TWF2: variants seen among roughly 807,000 people sequenced by gnomAD.
TWF2 encodes twinfilin-2.
Under a neutral mutation model 45.1 loss-of-function variants are expected in TWF2, and 15 were observed. The ratio of observed to expected loss-of-function variants is 0.33; its 90% CI spans 0.22 to 0.51. The LOEUF (loss-of-function observed/expected upper bound fraction) is 0.51, where lower values mean the gene tolerates loss of function less well. Ranked by LOEUF, TWF2 falls within the 20% of genes least tolerant of loss-of-function variation. The probability of loss-of-function intolerance (pLI) is 0.97; values close to 1 mark genes in which losing one functional copy is unlikely to be tolerated. For synonymous variants in TWF2, 177 were observed against 195.8 expected, an observed-to-expected ratio of 0.90 and a Z score of 0.80; for missense variants, 423 against 469.1, an observed-to-expected ratio of 0.90 and a Z score of 0.91.
chr3:52,228,709 G>T lies in TWF2; in HGVS notation c.*325C>A. The T allele has an allele frequency of 3.0e-6, 1 of 330,870 alleles. No homozygotes were observed. Among genetic ancestry groups the T allele is most frequent in the South Asian group, 5.4e-5 (1 of 18,350 alleles). The allele number at this position is 330,870 out of a possible 1,614,324, so 20.5% of individuals were successfully genotyped here. On this transcript the variant is annotated 3_prime_UTR_variant, in exon 9 of 9. Coordinates refer to ENST00000305533, the MANE Select transcript of TWF2 (RefSeq NM_007284.4). Reference sequence around the variant, plus strand: ...AGCCCTGACTGACCCCACTTCTTGTGGCCAAAGGTTTCTGGGCTGTGCTGG... The same window carrying T: ...AGCCCTGACTGACCCCACTTCTTGTTGCCAAAGGTTTCTGGGCTGTGCTGG...
Position 52,229,763 on chromosome 3 carries a change from C to T in TWF2, c.780G>A (p.Pro260=), listed in dbSNP as rs1273253916. 3.7e-6 allele frequency: 6 copies of T among 1,612,870 alleles called. No individual in the cohort carries two copies. The highest frequency in any genetic ancestry group is 5.1e-6 in the Non-Finnish European group (6 of 1,179,914). The part of the protein sequence containing the change: ...LESVVFIYSM[P]GYKCSIKERM... Reference sequence around the variant, plus strand: ...GCTCCTTGATGCTGCACTTGTACCCCGGCATGGAGTAGATGAACACTGTTG... The same window carrying T: ...GCTCCTTGATGCTGCACTTGTACCCTGGCATGGAGTAGATGAACACTGTTG... The change falls in exon 8 of 9, where the codon CCG becomes CCA. Residue 260 remains proline (P), a synonymous_variant. Transcript: ENST00000305533.
intron 8 of TWF2, 120 bp from the exon 9 acceptor site, chr3:52,229,321 G>A: frequency 7.3e-7 from 1 of 1,374,058 alleles, no homozygotes; most frequent in Non-Finnish European, 9.7e-7. Flanking sequence ...GTCTCCTGAG[G>A]TCTCCCCTTG....
intron 2 of TWF2, 53 bp from the exon 3 acceptor site, chr3:52,232,175 G>A (rs11717081): frequency 0.022 from 32,808 of 1,464,040 alleles, 459 homozygotes; most frequent in Non-Finnish European, 0.026. Context: ...TGCGCCTCCC[G>A]CTGCAGACCT....
In TWF2 at chr3:52,228,898, G is replaced by A. The variant is rs949646386; in HGVS notation, c.*136C>T. 2.3e-4 allele frequency: 313 copies of A among 1,340,350 alleles called. 1 individual carries two copies. Among genetic ancestry groups the A allele is most frequent in the Admixed American group, 6.0e-4 (23 of 38,122 alleles). 83.0% of individuals were successfully genotyped at this position (1,340,350 alleles called of 1,614,324 possible). ...AATGCCAGCCCGGTGGCCCTCGGAC[G>A]CTGCAAGTGCGTTCAGCTGCCAGCC... On this transcript the variant is annotated 3_prime_UTR_variant, in exon 9 of 9. Transcript: ENST00000305533.
At chr3:52,231,288 G>A in intron 4 of TWF2, 57 bp from the exon 5 acceptor site, 1 of 1,597,040 alleles carries the variant, frequency 6.3e-7, no homozygotes, top group Non-Finnish European at 8.6e-7. Context: ...ATTGGCTAGA[G>A]GAGGCCCACG....
At chr3:52,235,637 C>T (rs919484617) in intron 1 of TWF2, among the ~76,000 whole-genome samples, 2 of 152,238 alleles carry the variant, frequency 1.3e-5, no homozygotes, top group African/African-American at 4.8e-5. Flanking sequence ...CAAACACCCT[C>T]ATACATGAAC....
chr3:52,235,530 C>T (rs951252494), intron 1 of TWF2, among the ~76,000 whole-genome samples: 1 of 151,884 alleles, frequency 6.6e-6, no homozygotes, highest in African/African-American at 2.4e-5. Context: ...GCAATGACCA[C>T]TATGCCCATT....
chr3:52,229,148 C>T lies in TWF2; in HGVS notation c.936G>A (p.Val312=), dbSNP rs765030754. ...GCTTGAAGGCGTGTTGCTTGGGGTGCACCTCGTCGTAGAGGAACTCTGCCG... is the reference window on the plus strand; with the variant it reads ...GCTTGAAGGCGTGTTGCTTGGGGTGTACCTCGTCGTAGAGGAACTCTGCCG... ...ELTAEFLYDE[V]HPKQHAFKQA... is the part of the protein sequence containing the mutation. Residue 312 remains valine (V), a synonymous_variant, in exon 9 of 9, where the codon GTG becomes GTA. Transcript: ENST00000305533. 14 of 1,613,390 alleles carry T rather than the reference C, an allele frequency of 8.7e-6. No homozygotes were observed. The highest frequency in any genetic ancestry group is 1.2e-5 in the Non-Finnish European group (14 of 1,180,010).
chr3:52,231,606 G>T, intron 3 of TWF2, 67 bp from the exon 4 acceptor site: 1 of 1,508,248 alleles, frequency 6.6e-7, no homozygotes, highest in Non-Finnish European at 9.0e-7. Context: ...ACAGACAGGT[G>T]CCTCTGGAGG....
chr3:52,230,826 AG>A (rs758622058), intron 6 of TWF2, 43 bp downstream of exon 6: 1 of 1,597,274 alleles, frequency 6.3e-7, no homozygotes, highest in Non-Finnish European at 8.5e-7. Flanking sequence ...GGGCAGGAGT[AG>A]GGGTGGTGGC....
chr3:52,230,632 G>A (rs2107301203), intron 6 of TWF2, among the ~76,000 whole-genome samples: 1 of 152,258 alleles, frequency 6.6e-6, no homozygotes, highest in Middle Eastern at 3.4e-3. Flanking sequence ...TGTATGAGCA[G>A]GGCCTGGGGA....
At chr3:52,234,069 G>A (rs1699704051) in intron 2 of TWF2, among the ~76,000 whole-genome samples, 1 of 152,116 alleles carries the variant, frequency 6.6e-6, no homozygotes, top group Non-Finnish European at 1.5e-5. Context: ...TTCTGCCACA[G>A]TGACCCCTGC....
At position 52,231,486 on chromosome 3, in the gene TWF2, A is replaced by T; in HGVS notation, c.336T>A (p.Phe112Leu). The change falls in exon 4 of 9, where the codon TTT (phenylalanine) becomes TTA (leucine). Residue 112 changes from phenylalanine (F) to leucine (L), a missense_variant. Coordinates refer to ENST00000305533, the MANE Select transcript of TWF2 (RefSeq NM_007284.4). The part of the protein sequence containing the change: ...AATRATVKKE[F>L]GGGHIKDELF... Reference sequence around the variant, plus strand: ...GCTCATCCTTGATGTGGCCACCTCCAAACTCCTTTTTCACTGTGGCCCGCG... The same window carrying T: ...GCTCATCCTTGATGTGGCCACCTCCTAACTCCTTTTTCACTGTGGCCCGCG... 1 of 1,614,032 alleles carries T rather than the reference A, an allele frequency of 6.2e-7. No individual in the cohort carries two copies. Among genetic ancestry groups the T allele is most frequent in the Non-Finnish European group, 8.5e-7 (1 of 1,179,970 alleles).
intron 1 of TWF2, among the ~76,000 whole-genome samples, chr3:52,236,490 G>A (rs769980300): frequency 1.3e-5 from 2 of 152,134 alleles, no homozygotes; most frequent in Non-Finnish European, 2.9e-5. Context: ...GGCCCTGCTT[G>A]GGTCCCTGGG....
chr3:52,231,190 GGAC>G lies in TWF2; in HGVS notation c.417_419del (p.Ser140del). Reference sequence around the variant, plus strand: ...AGGTCAGCGGGGCAGGTGCCGCACAGGACGACAGGTGTTTCTGGTACCCAGCAA... The same window carrying G: ...AGGTCAGCGGGGCAGGTGCCGCACAGGACAGGTGTTTCTGGTACCCAGCAA... On this transcript the variant is annotated inframe_deletion, in exon 5 of 9. Transcript: ENST00000305533. 6.2e-7 allele frequency: 1 copy of G among 1,614,106 alleles called. No individual in the cohort carries two copies. Among genetic ancestry groups the G allele is most frequent in the South Asian group, 1.1e-5 (1 of 91,090 alleles).
Position 52,230,061 on chromosome 3 carries a change from G to A in TWF2, c.619C>T (p.Leu207=), listed in dbSNP as rs1431485097. 6.3e-7 allele frequency: 1 copy of A among 1,591,920 alleles called. No homozygotes were observed. Among genetic ancestry groups the A allele is most frequent in the South Asian group, 1.1e-5 (1 of 89,638 alleles). Residue 207 remains leucine, a synonymous_variant, in exon 7 of 9, where the codon CTA becomes TTA. Coordinates refer to ENST00000305533, the MANE Select transcript of TWF2 (RefSeq NM_007284.4). The part of the protein sequence containing the change: ...MVNYIQMKLD[L]ERETIELVHT... ...ACCAGCTCAATGGTTTCCCGCTCTA[G>A]GTCCAGCTTCTGCCCAGGGCCAAGG...
At chr3:52,231,740 G>C (rs1043118223) in intron 3 of TWF2, among the ~76,000 whole-genome samples, 7 of 152,348 alleles carry the variant, frequency 4.6e-5, no homozygotes, top group South Asian at 4.1e-4. Flanking sequence ...CCGGAGCCAG[G>C]CTGATGCCTG....
At position 52,235,721 on chromosome 3, in the gene TWF2, G is replaced by A. The variant is rs143304581; in HGVS notation, c.26-615C>T. On this transcript the variant is annotated intron_variant, in intron 1 of 8. Coordinates refer to ENST00000305533, the MANE Select transcript of TWF2 (RefSeq NM_007284.4). ...AAACACACACAGAGATATAGTCCCC[G>A]GCTTGCTAACACGCACACAGGCAGG... Among the ~76,000 whole-genome samples, 383 of 152,294 alleles carry A rather than the reference G, an allele frequency of 2.5e-3. 3 individuals carry two copies. Among genetic ancestry groups the A allele is most frequent in the Non-Finnish European group, 3.7e-3 (253 of 68,024 alleles).
chr3:52,236,236 G>A (rs1699724488), intron 1 of TWF2, among the ~76,000 whole-genome samples: 1 of 151,764 alleles, frequency 6.6e-6, no homozygotes, highest in South Asian at 2.1e-4. Context: ...GGGAGGCGGA[G>A]GTTACAGTGA....
Sources: gnomAD v4.1 joint callset for allele counts (sites outside exome capture counted in the v4.1 genomes callset) on GRCh38, gnomAD v4.1.1 for gene constraint, MANE v1.5 for transcripts, NCBI Gene and HGNC (gene_info 2026-07-23, HGNC 2026-07-21) for gene names.